RFX3: variants seen among roughly 807,000 people sequenced by gnomAD.
RFX3 encodes transcription factor RFX3.
RFX3 carries 14 observed loss-of-function variants against 98.6 expected under a neutral mutation model. The ratio of observed to expected loss-of-function variants is 0.14; its 90% CI spans 0.09 to 0.22. RFX3 has a LOEUF of 0.22. RFX3 is among the 10% of genes least tolerant of loss of function. RFX3 has a pLI of 1.00. For synonymous variants in RFX3, 383 were observed against 328.4 expected (o/e 1.17, Z -1.80); for missense variants, 639 against 926.9 (o/e 0.69, Z 4.03).
At chr9:3,326,425 T>C (rs1831926206) in intron 4 of RFX3, among the ~76,000 whole-genome samples, 2 of 152,142 alleles carry the variant, frequency 1.3e-5, no homozygotes, top group Admixed American at 6.6e-5. Flanking sequence ...GTACCAATTA[T>C]TTCATCACCT....
At chr9:3,280,922 TAA>T (rs1294489055) in intron 7 of RFX3, among the ~76,000 whole-genome samples, 1 of 151,746 alleles carries the variant, frequency 6.6e-6, no homozygotes, top group Non-Finnish European at 1.5e-5. Flanking sequence ...TTAAACAAAA[TAA>T]GTCATTAATT....
In RFX3 at chr9:3,225,926, T is replaced by C. The variant is rs184605619; in HGVS notation, c.2012-646A>G. On this transcript the variant is annotated intron_variant, in intron 16 of 16. Transcript: ENST00000617270. The stretch of plus-strand genomic sequence containing the variant: ...GATTTCCATTCTTGGCAACTGATAC[T>C]GTTAATAGCTGGTATTCATTTCTGG... 3.8e-3 allele frequency among the ~76,000 whole-genome samples: 574 copies of C among 152,312 alleles called. 1 individual carries two copies. The highest frequency in any genetic ancestry group is 6.5e-3 in the Non-Finnish European group (442 of 68,024).
chr9:3,500,772 G>C (rs935446486), intron 1 of RFX3, among the ~76,000 whole-genome samples: 1 of 152,144 alleles, frequency 6.6e-6, no homozygotes, highest in Non-Finnish European at 1.5e-5. Flanking sequence ...TTCTACTGAG[G>C]AGTATACTAG....
intron 1 of RFX3, among the ~76,000 whole-genome samples, chr9:3,484,642 A>G (rs1587830321): frequency 6.6e-6 from 1 of 152,242 alleles, no homozygotes; most frequent in East Asian, 1.9e-4. Context: ...TTTTCTACTT[A>G]CAACTCTGTG....
intron 3 of RFX3, among the ~76,000 whole-genome samples, chr9:3,338,690 G>A (rs1410125351): frequency 6.6e-6 from 1 of 152,164 alleles, no homozygotes; most frequent in African/African-American, 2.4e-5. Context: ...CTCAGTTGAT[G>A]TGAATGCTGC....
chr9:3,505,904 CAGAGG>C (rs2133778116), intron 1 of RFX3, among the ~76,000 whole-genome samples: 1 of 151,914 alleles, frequency 6.6e-6, no homozygotes, highest in East Asian at 1.9e-4. Context: ...CCTTCAAGGG[CAGAGG>C]CCCTTGAAGA....
intron 2 of RFX3, among the ~76,000 whole-genome samples, chr9:3,363,931 A>G (rs1836759398): frequency 6.6e-6 from 1 of 152,254 alleles, no homozygotes. Context: ...GCTGGAGTGT[A>G]GTGGCACGAT....
intron 2 of RFX3, chr9:3,394,741 G>C: frequency 1.7e-5 from 13 of 743,456 alleles, no homozygotes; most frequent in Non-Finnish European, 2.0e-5. Flanking sequence ...TGAATCTCAA[G>C]ATAATGTTAT....
chr9:3,288,388 GT>G (rs1252027928), intron 6 of RFX3, 138 bp from the exon 7 acceptor site: 1 of 648,648 alleles, frequency 1.5e-6, no homozygotes, highest in East Asian at 2.8e-5. Flanking sequence ...TGATTAACCT[GT>G]TCTGAATACT....
intron 12 of RFX3, among the ~76,000 whole-genome samples, chr9:3,265,407 G>A (rs1031245059): frequency 3.9e-5 from 6 of 152,148 alleles, no homozygotes; most frequent in African/African-American, 1.4e-4. Context: ...TGTTCCCACA[G>A]AGGTTTATCA....
intron 1 of RFX3, among the ~76,000 whole-genome samples, chr9:3,444,370 C>T (rs1206752127): frequency 3.3e-5 from 5 of 151,586 alleles, no homozygotes; most frequent in African/African-American, 9.7e-5. Flanking sequence ...TAAACTAATA[C>T]ATAGTGACAG....
chr9:3,367,177 C>A (rs1837309367), intron 2 of RFX3, among the ~76,000 whole-genome samples: 1 of 152,132 alleles, frequency 6.6e-6, no homozygotes, highest in South Asian at 2.1e-4. Flanking sequence ...CCTGCTCTAG[C>A]CCATGAGTCC....
chr9:3,420,888 T>A (rs1462738224), intron 1 of RFX3: 1 of 984,862 alleles, frequency 1.0e-6, no homozygotes, highest in African/African-American at 1.7e-5. Flanking sequence ...ACCAAAGATA[T>A]CCTTGGGTCA....
At chr9:3,416,975 G>A (rs1356276000) in intron 1 of RFX3, among the ~76,000 whole-genome samples, 1 of 151,798 alleles carries the variant, frequency 6.6e-6, no homozygotes, top group African/African-American at 2.4e-5. Flanking sequence ...CAAACAAAAT[G>A]CTTTCTACAA....
chr9:3,337,206 T>C (rs1383860759), intron 3 of RFX3, among the ~76,000 whole-genome samples: 1 of 152,126 alleles, frequency 6.6e-6, no homozygotes. Context: ...AGATGGGCCA[T>C]GTAAGATGAT....
intron 4 of RFX3, among the ~76,000 whole-genome samples, chr9:3,308,508 C>A (rs987423314): frequency 6.6e-6 from 1 of 152,130 alleles, no homozygotes; most frequent in Non-Finnish European, 1.5e-5. Flanking sequence ...GTCTCAAAGC[C>A]TGGCAAAGGT....
intron 3 of RFX3, among the ~76,000 whole-genome samples, chr9:3,337,366 G>C (rs891982996): frequency 1.3e-5 from 2 of 152,158 alleles, no homozygotes; most frequent in African/African-American, 2.4e-5. Flanking sequence ...TCTTAGAAAA[G>C]TTTGAGAGCA....
intron 1 of RFX3, among the ~76,000 whole-genome samples, chr9:3,439,088 GA>G (rs1015507461): frequency 6.6e-6 from 1 of 150,972 alleles, no homozygotes; most frequent in Non-Finnish European, 1.5e-5. Context: ...GGTCAAAGAA[GA>G]AACAAAAACG....
At chr9:3,371,068 T>C (rs945418596) in intron 2 of RFX3, among the ~76,000 whole-genome samples, 1 of 149,266 alleles carries the variant, frequency 6.7e-6, no homozygotes, top group Non-Finnish European at 1.5e-5. Context: ...GAAAGACTAA[T>C]TAGGAGTAAA....
Sources: gnomAD v4.1 joint callset for allele counts (sites outside exome capture counted in the v4.1 genomes callset) on GRCh38, gnomAD v4.1.1 for gene constraint, MANE v1.5 for transcripts, NCBI Gene and HGNC (gene_info 2026-07-23, HGNC 2026-07-21) for gene names.